The following KSR2 variants were observed in gnomAD, a reference collection of about 807,000 sequenced individuals.
KSR2 encodes kinase suppressor of ras 2.
KSR2 carries 25 observed loss-of-function variants against 107.8 expected under a neutral mutation model. The observed-to-expected ratio is 0.23, with a 90% CI of 0.17 to 0.32. The LOEUF is 0.32. Among genes scored for constraint, KSR2 ranks in the 10% least tolerant of loss-of-function variants. The pLI is 1.00. For synonymous variants in KSR2, 480 were observed against 507.0 expected, an observed-to-expected ratio of 0.95 and a Z score of 0.71; for missense variants, 887 against 1,268.9, an observed-to-expected ratio of 0.70 and a Z score of 4.57.
intron 1 of KSR2, among the ~76,000 whole-genome samples, chr12:117,913,118 T>C (rs1895072609): frequency 6.6e-6 from 1 of 152,200 alleles, no homozygotes; most frequent in African/African-American, 2.4e-5. Flanking sequence ...ATCCTGTCCG[T>C]TCCCGAGTTG....
At chr12:117,591,924 G>C (rs527312121) in intron 5 of KSR2, among the ~76,000 whole-genome samples, 60 of 151,848 alleles carry the variant, frequency 4.0e-4, no homozygotes, top group Middle Eastern at 6.8e-3. Context: ...CATGAGAATC[G>C]CTGGAACTCA....
intron 1 of KSR2, among the ~76,000 whole-genome samples, chr12:117,872,762 G>A (rs529434837): frequency 4.6e-5 from 7 of 152,190 alleles, no homozygotes; most frequent in African/African-American, 1.7e-4. Flanking sequence ...GAAGGATCTG[G>A]GTCCTTGGAC....
Position 117,936,147 on chromosome 12 carries a change from C to T in KSR2, c.180+31929G>A, listed in dbSNP as rs148483214. Among the ~76,000 whole-genome samples the T allele has an allele frequency of 2.8e-3, 421 of 152,080 alleles. 6 individuals carry two copies. The East Asian group carries it at 0.035, about 13-fold the overall frequency. ...GCCTCCCAGGCTCAAGTGATCCTCC[C>T]ACCTCAGCCTCCTGAGTAGTTGGGA... On this transcript the variant is annotated intron_variant, in intron 1 of 19. Transcript: ENST00000339824.
chr12:117,477,922 TGTGGAAGGA>T (rs1221746446), intron 16 of KSR2, among the ~76,000 whole-genome samples: 6 of 152,324 alleles, frequency 3.9e-5, no homozygotes, highest in African/African-American at 1.4e-4. Flanking sequence ...AATTCTTAGA[TGTGGAAGGA>T]GGCTGGCTCC....
chr12:117,785,594 T>C (rs1890041891), intron 3 of KSR2, among the ~76,000 whole-genome samples: 1 of 151,964 alleles, frequency 6.6e-6, no homozygotes, highest in South Asian at 2.1e-4. Context: ...ACAGAAGCTA[T>C]TAAAAAATAA....
chr12:117,456,542 C>G lies in KSR2; in HGVS notation c.*10657G>C, dbSNP rs1307821431. 1.3e-5 allele frequency: 2 copies of G among 152,216 alleles called. No homozygotes were observed. The highest frequency in any genetic ancestry group is 2.4e-5 in the African/African-American group (1 of 41,446). The allele number at this position is 152,216 out of a possible 1,614,324, so 9.4% of individuals were successfully genotyped here. On this transcript the variant is annotated 3_prime_UTR_variant, in exon 20 of 20. Transcript: ENST00000339824. ...GCACTTAAGCTGCCAATGCCCCAAC[C>G]TGGGCAGGGCTGTGTTGGGGAGAGG...
At chr12:117,754,882 G>A (rs561934194) in intron 4 of KSR2, among the ~76,000 whole-genome samples, 2 of 152,292 alleles carry the variant, frequency 1.3e-5, no homozygotes, top group South Asian at 4.1e-4. Context: ...AAAAATCACA[G>A]CAACCAACAG....
intron 5 of KSR2, among the ~76,000 whole-genome samples, chr12:117,664,109 G>C (rs894124182): frequency 6.6e-6 from 1 of 152,192 alleles, no homozygotes; most frequent in Non-Finnish European, 1.5e-5. Flanking sequence ...CTTGGAGACA[G>C]ATTCCTCCAT....
At chr12:117,626,486 T>C (rs962027294) in intron 5 of KSR2, among the ~76,000 whole-genome samples, 1 of 152,228 alleles carries the variant, frequency 6.6e-6, no homozygotes, top group Non-Finnish European at 1.5e-5. Context: ...CAGGAGCAAG[T>C]TGTTCAGTTT....
At position 117,893,914 on chromosome 12, in the gene KSR2, T is replaced by A. The variant is rs1316195031; in HGVS notation, c.181-33483A>T. ...TCCACAAAGAACAAAATTCTTTTTT[T>A]TTTTTTTTTTTTTGAGACGGAGTCT... On this transcript the variant is annotated intron_variant, in intron 1 of 19. Transcript: ENST00000339824. 2.7e-5 allele frequency among the ~76,000 whole-genome samples: 4 copies of A among 150,332 alleles called. No individual in the cohort carries two copies. In the South Asian group the frequency reaches 8.4e-4, roughly 32 times the overall value.
Position 117,765,147 on chromosome 12 carries a change from C to A in KSR2, c.473-3623G>T, listed in dbSNP as rs565315869. ...AACAGAACAGAGAATCAAGTTAAGA[C>A]AAGTTTCTCCATCGCATGGTAAGCT... is the stretch of plus-strand genomic sequence containing the variant. On this transcript the variant is annotated intron_variant, in intron 3 of 19. Transcript: ENST00000339824. Among the ~76,000 whole-genome samples, 99 of 152,312 alleles carry A rather than the reference C, an allele frequency of 6.5e-4. 1 individual carries two copies. The South Asian group carries it at 0.02, about 31-fold the overall frequency.
At chr12:117,627,746 C>T (rs1360855374) in intron 5 of KSR2, among the ~76,000 whole-genome samples, 1 of 152,134 alleles carries the variant, frequency 6.6e-6, no homozygotes, top group African/African-American at 2.4e-5. Flanking sequence ...GAATGTTGGC[C>T]TGCCTTGCTA....
intron 3 of KSR2, among the ~76,000 whole-genome samples, chr12:117,819,126 GC>G (rs1891475676): frequency 6.6e-6 from 1 of 151,924 alleles, no homozygotes; most frequent in Admixed American, 6.6e-5. Context: ...GGTCTGTACC[GC>G]CCCCTCACTG....
chr12:117,787,360 C>G (rs1890113205), intron 3 of KSR2, among the ~76,000 whole-genome samples: 1 of 152,100 alleles, frequency 6.6e-6, no homozygotes, highest in Admixed American at 6.5e-5. Context: ...AGGCCAGGAG[C>G]AGTGGCCCAC....
intron 14 of KSR2, among the ~76,000 whole-genome samples, chr12:117,513,570 C>T (rs1225948231): frequency 6.6e-6 from 1 of 152,240 alleles, no homozygotes; most frequent in African/African-American, 2.4e-5. Context: ...GCCAACTCAA[C>T]AAGTCACAAG....
At chr12:117,865,032 G>A (rs1593318498) in intron 1 of KSR2, among the ~76,000 whole-genome samples, 2 of 151,542 alleles carry the variant, frequency 1.3e-5, no homozygotes, top group East Asian at 3.9e-4. Context: ...CTAGATAAGG[G>A]ACCTGGGTGA....
At chr12:117,728,660 G>T (rs1396971672) in intron 4 of KSR2, among the ~76,000 whole-genome samples, 1 of 152,222 alleles carries the variant, frequency 6.6e-6, no homozygotes, top group Non-Finnish European at 1.5e-5. Context: ...GCCAAGCATG[G>T]ATAACGGCCG....
At chr12:117,794,337 ACACTCACACCAACAGG>A (rs1890501204) in intron 3 of KSR2, among the ~76,000 whole-genome samples, 1 of 121,646 alleles carries the variant, frequency 8.2e-6, no homozygotes. Flanking sequence ...ACCAACATGC[ACACTCACACCAACAGG>A]CACACACACC....
At chr12:117,921,232 T>C (rs775711236) in intron 1 of KSR2, among the ~76,000 whole-genome samples, 1 of 152,232 alleles carries the variant, frequency 6.6e-6, no homozygotes, top group Non-Finnish European at 1.5e-5. Flanking sequence ...GAACTTTACA[T>C]GTGCCTCCAT....
Sources: allele counts gnomAD v4.1 joint callset (sites outside exome capture counted in the v4.1 genomes callset), GRCh38; gene constraint gnomAD v4.1.1; transcripts MANE v1.5; gene names NCBI Gene and HGNC (gene_info 2026-07-23, HGNC 2026-07-21).